Variants in HTR2C observed in about 807,000 individuals in gnomAD.
HTR2C encodes the protein 5-hydroxytryptamine (serotonin) receptor 2C, G protein-coupled.
A neutral mutation model predicts 21.0 loss-of-function variants in HTR2C; 5 were observed. The observed-to-expected ratio is 0.24, with a 90% CI of 0.12 to 0.50. The LOEUF (loss-of-function observed/expected upper bound fraction) is 0.50, where lower values mean the gene tolerates loss of function less well. HTR2C is among the 20% of genes least tolerant of loss of function. HTR2C has a pLI of 0.98. For missense variants in HTR2C, 271 were observed against 371.2 expected (o/e 0.73, Z 2.22); for synonymous variants, 150 against 145.3 (o/e 1.03, Z -0.23).
At chrX:114,807,167 C>T (rs868987256) in intron 4 of HTR2C, among the ~76,000 whole-genome samples, 1 of 32,057 alleles carries the variant, frequency 3.1e-5, no homozygotes, top group Non-Finnish European at 5.0e-5. Context: ...ATATATACCC[C>T]ATATATACAC....
intron 4 of HTR2C, among the ~76,000 whole-genome samples, chrX:114,770,815 T>TTTG (rs2069994022): frequency 9.8e-6 from 1 of 102,344 alleles, no homozygotes; most frequent in East Asian, 3.0e-4. Flanking sequence ...TTTTTTTTTT[T>TTTG]TTTTGAGGTA....
chrX:114,628,819 C>T (rs956338000), intron 2 of HTR2C, among the ~76,000 whole-genome samples: 1 of 111,882 alleles, frequency 8.9e-6, no homozygotes, highest in Non-Finnish European at 1.9e-5. Context: ...TGCATTTTGA[C>T]GTGTATGCAC....
intron 4 of HTR2C, among the ~76,000 whole-genome samples, chrX:114,762,975 G>C (rs782285186): frequency 1.8e-5 from 2 of 112,175 alleles, no homozygotes; most frequent in Non-Finnish European, 3.8e-5. Flanking sequence ...TCTCTCGTGT[G>C]ATCATGAGCA....
intron 2 of HTR2C, among the ~76,000 whole-genome samples, chrX:114,676,665 T>A (rs782405355): frequency 8.9e-6 from 1 of 112,506 alleles, no homozygotes. Flanking sequence ...TAAGTTGGAA[T>A]GTGGGATATC....
intron 4 of HTR2C, among the ~76,000 whole-genome samples, chrX:114,766,546 C>T (rs1395760644): frequency 9.0e-6 from 1 of 111,244 alleles, no homozygotes; most frequent in African/African-American, 3.3e-5. Context: ...TAAGAATAGC[C>T]TACTTAGCTT....
rs185828096 is a variant in HTR2C at position 114,716,799 on chromosome X, T to C, written c.-79-10059T>C. 3.5e-4 allele frequency among the ~76,000 whole-genome samples: 39 copies of C among 111,567 alleles called. No individual in the cohort carries two copies. In the East Asian group the frequency reaches 9.6e-3, roughly 28 times the overall value. On this transcript the variant is annotated intron_variant, in intron 2 of 5. Transcript: ENST00000276198. ...TTAGTCCTAAGGATAATTTTTGAATTAAATGAGCTCCCCCAAAATTATTGT... is the reference window on the plus strand; with the variant it reads ...TTAGTCCTAAGGATAATTTTTGAATCAAATGAGCTCCCCCAAAATTATTGT...
At chrX:114,614,248 T>A (rs782017602) in intron 2 of HTR2C, among the ~76,000 whole-genome samples, 1 of 110,321 alleles carries the variant, frequency 9.1e-6, no homozygotes, top group African/African-American at 3.3e-5. Flanking sequence ...TCTTGTTTTT[T>A]TTTTGTTTTT....
intron 4 of HTR2C, among the ~76,000 whole-genome samples, chrX:114,810,942 A>C (rs2070525120): frequency 9.0e-6 from 1 of 111,272 alleles, no homozygotes; most frequent in Admixed American, 9.6e-5. Context: ...TAAAATGTAT[A>C]GTTTCTGATT....
chrX:114,776,770 C>T (rs2070061718), intron 4 of HTR2C: 3 of 350,515 alleles, frequency 8.6e-6, no homozygotes, highest in Non-Finnish European at 1.6e-5. Flanking sequence ...CAGGTCCCTT[C>T]GACATGGTTG....
intron 1 of HTR2C, among the ~76,000 whole-genome samples, chrX:114,587,729 A>G (rs1365344268): frequency 2.7e-5 from 3 of 112,004 alleles, no homozygotes; most frequent in Admixed American, 9.5e-5. Flanking sequence ...TGCTCAAGTT[A>G]TGGATCTCTC....
chrX:114,897,939 G>A (rs2071309601), intron 5 of HTR2C, among the ~76,000 whole-genome samples: 1 of 112,273 alleles, frequency 8.9e-6, no homozygotes, highest in Non-Finnish European at 1.9e-5. Context: ...GGATTGCTGT[G>A]TTGAGTGGTA....
chrX:114,861,889 A>G (rs1556473044), intron 5 of HTR2C, among the ~76,000 whole-genome samples: 1 of 111,603 alleles, frequency 9.0e-6, no homozygotes, highest in African/African-American at 3.2e-5. Flanking sequence ...TAACCCTTTA[A>G]CAGATATATG....
At chrX:114,786,681 A>T (rs971182924) in intron 4 of HTR2C, among the ~76,000 whole-genome samples, 1 of 110,890 alleles carries the variant, frequency 9.0e-6, no homozygotes, top group East Asian at 2.9e-4. Flanking sequence ...GGTATATGAA[A>T]TTGATATTTT....
intron 2 of HTR2C, among the ~76,000 whole-genome samples, chrX:114,725,306 A>T (rs1485097333): frequency 1.8e-5 from 2 of 111,634 alleles, no homozygotes. Flanking sequence ...AGTTGATCGC[A>T]TCGGCTCCTG....
intron 4 of HTR2C, among the ~76,000 whole-genome samples, chrX:114,734,564 T>TAAAAAAAAAA (rs61672860): frequency 3.5e-4 from 12 of 34,300 alleles, no homozygotes; most frequent in African/African-American, 9.0e-4. Flanking sequence ...GCCTTACATG[T>TAAAAAAAAAA]AAAAAAAAAA....
intron 2 of HTR2C, among the ~76,000 whole-genome samples, chrX:114,648,848 G>A (rs1204796704): frequency 9.0e-6 from 1 of 111,728 alleles, no homozygotes; most frequent in Non-Finnish European, 1.9e-5. Context: ...GTCATTTTTA[G>A]CTTTAGGCAA....
At chrX:114,829,810 C>G (rs956492241) in intron 4 of HTR2C, among the ~76,000 whole-genome samples, 1 of 111,356 alleles carries the variant, frequency 9.0e-6, no homozygotes, top group African/African-American at 3.3e-5. Flanking sequence ...TTATTTCTGG[C>G]CTCTCAATCC....
intron 2 of HTR2C, among the ~76,000 whole-genome samples, chrX:114,667,541 C>T (rs1462437245): frequency 5.4e-5 from 6 of 111,541 alleles, no homozygotes; most frequent in African/African-American, 2.0e-4. Context: ...TTTTGAGAAG[C>T]CTAAAATAAA....
In HTR2C at chrX:114,813,240, G is replaced by A. The variant is rs191064030; in HGVS notation, c.350-34763G>A. Among the ~76,000 whole-genome samples the A allele has an allele frequency of 6.3e-5, 7 of 111,877 alleles. No individual in the cohort carries two copies. In the Admixed American group the frequency reaches 6.7e-4, roughly 11 times the overall value. On this transcript the variant is annotated intron_variant, in intron 4 of 5. Coordinates refer to ENST00000276198, the MANE Select transcript of HTR2C (RefSeq NM_000868.4). ...AAAAAATAAGGATTTGGAAATTTTT[G>A]ATAACAATTTAGTGGGGGCGATCCA...
Sources: allele counts gnomAD v4.1 joint callset (sites outside exome capture counted in the v4.1 genomes callset), GRCh38; gene constraint gnomAD v4.1.1; transcripts MANE v1.5; gene names NCBI Gene and HGNC (gene_info 2026-07-23, HGNC 2026-07-21).